The following PHLDB2 variants were observed in gnomAD, a reference collection of about 807,000 sequenced individuals.
PHLDB2 encodes pleckstrin homology-like domain family B member 2.
A neutral mutation model predicts 123.6 loss-of-function variants in PHLDB2; 71 were observed. The ratio of observed to expected loss-of-function variants is 0.57; its 90% CI spans 0.47 to 0.70. The LOEUF (loss-of-function observed/expected upper bound fraction) is 0.70, where lower values mean the gene tolerates loss of function less well. PHLDB2 is among the 30% of genes least tolerant of loss of function. The pLI is 0.00. For synonymous variants in PHLDB2, 547 were observed against 541.6 expected, an observed-to-expected ratio of 1.01 and a Z score of -0.14; for missense variants, 1,446 against 1,519.5, an observed-to-expected ratio of 0.95 and a Z score of 0.80.
Position 111,932,402 on chromosome 3 carries a change from G to C in PHLDB2, c.2130+5G>C. On this transcript the variant is annotated splice_donor_5th_base_variant and intron_variant, in intron 6 of 17. Transcript: ENST00000431670. ...TTACAACAACAACTGAAGAGGGTCA[G>C]TAGCAAACAGGAATGCACCAGTTAT... 1 of 1,545,866 alleles carries C rather than the reference G, an allele frequency of 6.5e-7. No individual in the cohort carries two copies. Among genetic ancestry groups the C allele is most frequent in the Non-Finnish European group, 8.7e-7 (1 of 1,144,556 alleles).
chr3:111,785,752 A>G (rs1325472366), intron 1 of PHLDB2, among the ~76,000 whole-genome samples: 1 of 152,160 alleles, frequency 6.6e-6, no homozygotes, highest in Non-Finnish European at 1.5e-5. Flanking sequence ...ACTACTCTTC[A>G]TCTGTTAGAC....
chr3:111,780,119 C>T (rs76806433), intron 1 of PHLDB2, among the ~76,000 whole-genome samples: 7,588 of 151,108 alleles, frequency 0.05, 270 homozygotes, highest in Admixed American at 0.092. Flanking sequence ...TTGGAATGCC[C>T]CCACCAAAAC....
At chr3:111,774,875 A>G (rs1340926981) in intron 1 of PHLDB2, among the ~76,000 whole-genome samples, 1 of 152,110 alleles carries the variant, frequency 6.6e-6, no homozygotes. Context: ...TGCTGTTGAG[A>G]AACCCAAGAC....
chr3:111,858,391 T>C (rs1282992), upstream of PHLDB2, among the ~76,000 whole-genome samples: 22,411 of 152,074 alleles, frequency 0.15, 1,861 homozygotes, highest in Admixed American at 0.18. Context: ...TGATGGGTGC[T>C]GCAAACCACC....
intron 1 of PHLDB2, among the ~76,000 whole-genome samples, chr3:111,813,952 T>C (rs1365157660): frequency 1.3e-5 from 2 of 152,240 alleles, no homozygotes; most frequent in Admixed American, 1.3e-4. Flanking sequence ...TTTTATTCTA[T>C]GTCATTTGTT....
At chr3:111,791,260 A>G (rs914042796) in intron 1 of PHLDB2, among the ~76,000 whole-genome samples, 5 of 152,344 alleles carry the variant, frequency 3.3e-5, no homozygotes, top group Admixed American at 3.3e-4. Context: ...ACGCCCTGCT[A>G]TGAACTTTCC....
rs1239606752 is a variant in PHLDB2 at position 111,885,909 on chromosome 3, A to G, written c.1335+497A>G. The G allele has an allele frequency of 1.0e-5, 4 of 399,312 alleles. No individual in the cohort carries two copies. The Admixed American group carries it at 1.7e-4, about 17-fold the overall frequency. 24.7% of individuals were successfully genotyped at this position (399,312 alleles called of 1,614,324 possible). On this transcript the variant is annotated intron_variant, in intron 2 of 17. Transcript: ENST00000431670. ...TCAGTGGTGCTCAGCTTTTCTCCAC[A>G]CTGTTCATACACAACCTTACTATCT...
Position 111,962,295 on chromosome 3 carries a change from A to T in PHLDB2, c.3060A>T (p.Ser1020=). The part of the protein sequence containing the change: ...DSMETSISAC[S]PDNISSASTS... ...TGGAGACCAGCATCTCTGCTTGCTC[A>T]CCAGACAACATCTCTAGGTAAGATT... Residue 1020 remains serine, a synonymous_variant, in exon 13 of 18, where the codon TCA becomes TCT. Transcript: ENST00000431670. 1 of 1,588,836 alleles carries T rather than the reference A, an allele frequency of 6.3e-7. No individual in the cohort carries two copies. The highest frequency in any genetic ancestry group is 8.5e-7 in the Non-Finnish European group (1 of 1,173,652).
At chr3:111,877,378 A>C (rs962642698) in intron 1 of PHLDB2, among the ~76,000 whole-genome samples, 4 of 152,162 alleles carry the variant, frequency 2.6e-5, no homozygotes, top group Admixed American at 2.0e-4. Context: ...TCTTTTGAGA[A>C]GTGTCTGTTC....
intron 1 of PHLDB2, among the ~76,000 whole-genome samples, chr3:111,775,648 A>G (rs2060255755): frequency 6.6e-6 from 1 of 152,212 alleles, no homozygotes; most frequent in African/African-American, 2.4e-5. Context: ...TCTGAAGGTT[A>G]AATATAAAAG....
chr3:111,782,606 C>T (rs2060523712), intron 1 of PHLDB2, among the ~76,000 whole-genome samples: 1 of 152,112 alleles, frequency 6.6e-6, no homozygotes, highest in Non-Finnish European at 1.5e-5. Flanking sequence ...AGAGATCCTT[C>T]CCTGGCCCTT....
chr3:111,913,576 C>T lies in PHLDB2; in HGVS notation c.1593C>T (p.Ser531=). 2.5e-6 allele frequency: 4 copies of T among 1,614,148 alleles called. No homozygotes were observed. Among genetic ancestry groups the T allele is most frequent in the Non-Finnish European group, 3.4e-6 (4 of 1,180,020 alleles). The change falls in exon 3 of 18, where the codon AGC becomes AGT. Residue 531 remains serine, a synonymous_variant. Coordinates refer to ENST00000431670, the MANE Select transcript of PHLDB2 (RefSeq NM_001134438.2). ...GGAGTCTCAGTCAGAGCAGTGCCAGCTTCTTTACCCCCAGGAGCACCAGGA... is the reference window on the plus strand; with the variant it reads ...GGAGTCTCAGTCAGAGCAGTGCCAGTTTCTTTACCCCCAGGAGCACCAGGA... The part of the protein sequence containing the change: ...SCGSLSQSSA[S]FFTPRSTRND...
intron 9 of PHLDB2, among the ~76,000 whole-genome samples, chr3:111,946,721 C>T (rs951341775): frequency 1.3e-5 from 2 of 152,182 alleles, no homozygotes; most frequent in African/African-American, 2.4e-5. Context: ...TGGTCTACTG[C>T]ATGTGTAATG....
At chr3:111,960,259 T>A in intron 12 of PHLDB2, 1 of 336,424 alleles carries the variant, frequency 3.0e-6, no homozygotes, top group Non-Finnish European at 4.2e-6. Flanking sequence ...ACCAGCTTCA[T>A]TTAATGCTGT....
chr3:111,922,530 T>C (rs1350045858), intron 5 of PHLDB2, among the ~76,000 whole-genome samples: 1 of 152,084 alleles, frequency 6.6e-6, no homozygotes, highest in Non-Finnish European at 1.5e-5. Flanking sequence ...AGGGAATTAG[T>C]TGGTCTTAGA....
chr3:111,822,295 A>ATGTATGTGTGTGTG lies in PHLDB2; in HGVS notation c.-48-23523_-48-23522insATGTGTGTGTGTGT, dbSNP rs1553734230. ...TCTCTCTGTCTCTCTATCTTTATGT[A>ATGTATGTGTGTGTG]TGTGTGTGTGTGTGTGTGTGTGTAT... On this transcript the variant is annotated intron_variant, in intron 1 of 17. Coordinates refer to the PHLDB2 transcript ENST00000393923. 4.2e-5 allele frequency among the ~76,000 whole-genome samples: 6 copies of ATGTATGTGTGTGTG among 144,032 alleles called. No individual in the cohort carries two copies. In the South Asian group the frequency reaches 1.3e-3, roughly 32 times the overall value. 94.5% of individuals were successfully genotyped at this position (144,032 alleles called of 152,430 possible).
At chr3:111,869,286 C>T (rs538485825) in intron 1 of PHLDB2, among the ~76,000 whole-genome samples, 16 of 152,124 alleles carry the variant, frequency 1.1e-4, no homozygotes, top group Non-Finnish European at 2.2e-4. Context: ...TCATATTGTG[C>T]TCCACTCCTT....
intron 2 of PHLDB2, among the ~76,000 whole-genome samples, chr3:111,886,649 A>G (rs1223950868): frequency 6.6e-6 from 1 of 152,220 alleles, no homozygotes; most frequent in East Asian, 1.9e-4. Context: ...ATAGTTTTTG[A>G]TAAGTTGATG....
At chr3:111,834,983 T>C in intron 1 of PHLDB2, among the ~76,000 whole-genome samples, 1 of 152,106 alleles carries the variant, frequency 6.6e-6, no homozygotes, top group East Asian at 1.9e-4. Context: ...TTTGTAATTT[T>C]CCATGAGTCC....
Sources: allele counts gnomAD v4.1 joint callset (sites outside exome capture counted in the v4.1 genomes callset), GRCh38; gene constraint gnomAD v4.1.1; transcripts MANE v1.5; gene names NCBI Gene and HGNC (gene_info 2026-07-23, HGNC 2026-07-21).